The following UVRAG variants were observed in gnomAD, a reference collection of about 807,000 sequenced individuals.
The protein encoded by UVRAG is UV radiation resistance-associated gene protein.
A neutral mutation model predicts 78.0 loss-of-function variants in UVRAG; 19 were observed. That is an observed-to-expected ratio of 0.24 (90% confidence interval 0.17 to 0.36). The LOEUF (loss-of-function observed/expected upper bound fraction) is 0.36, where lower values mean the gene tolerates loss of function less well. UVRAG is among the 10% of genes least tolerant of loss of function. UVRAG has a pLI of 1.00. For synonymous variants in UVRAG, 323 were observed against 324.6 expected (o/e 1.00, Z 0.05); for missense variants, 740 against 853.8 (o/e 0.87, Z 1.66).
At position 75,859,147 on chromosome 11, in the gene UVRAG, T is replaced by G. The variant is rs141123517; in HGVS notation, c.236-2599T>G. Among the ~76,000 whole-genome samples the G allele has an allele frequency of 5.0e-3, 763 of 152,132 alleles. 7 individuals are homozygous for G. The highest frequency in any genetic ancestry group is 0.017 in the African/African-American group (719 of 41,526). Reference sequence around the variant, plus strand: ...CCCAGCACTTTGGGAGGCCGAGGCGTGTGGATCATTTGAGGTCAGGAGTTC... The same window carrying G: ...CCCAGCACTTTGGGAGGCCGAGGCGGGTGGATCATTTGAGGTCAGGAGTTC... On this transcript the variant is annotated intron_variant, in intron 2 of 14. Transcript: ENST00000356136.
intron 14 of UVRAG, among the ~76,000 whole-genome samples, chr11:76,128,406 C>T (rs1173327537): frequency 6.6e-6 from 1 of 152,144 alleles, no homozygotes; most frequent in Admixed American, 6.5e-5. Context: ...TCCCTGCTGC[C>T]AAAAAGGTTG....
chr11:76,097,444 A>G (rs1490965683), intron 13 of UVRAG, among the ~76,000 whole-genome samples: 2 of 152,120 alleles, frequency 1.3e-5, no homozygotes, highest in Admixed American at 6.5e-5. Flanking sequence ...TCCAGCTAGT[A>G]TGCCACAGTC....
At chr11:75,924,352 T>C (rs181404641) in intron 6 of UVRAG, among the ~76,000 whole-genome samples, 1 of 152,158 alleles carries the variant, frequency 6.6e-6, no homozygotes, top group Non-Finnish European at 1.5e-5. Context: ...TGCATGCTAA[T>C]GAAAAATTCA....
intron 2 of UVRAG, 95 bp from the exon 3 acceptor site, chr11:75,861,651 C>T: frequency 2.6e-6 from 2 of 769,002 alleles, no homozygotes; most frequent in South Asian, 1.8e-5. Flanking sequence ...AAATGTTTTA[C>T]TGCAACATAT....
intron 13 of UVRAG, among the ~76,000 whole-genome samples, chr11:76,068,400 C>T (rs1365542173): frequency 6.6e-6 from 1 of 152,178 alleles, no homozygotes; most frequent in East Asian, 1.9e-4. Flanking sequence ...TGTGTATCCT[C>T]TCCAGCTTTA....
intron 12 of UVRAG, among the ~76,000 whole-genome samples, chr11:76,041,653 A>G (rs1312789322): frequency 6.6e-6 from 1 of 152,208 alleles, no homozygotes; most frequent in Non-Finnish European, 1.5e-5. Flanking sequence ...CTATCTTCCA[A>G]ATCTTACCCA....
intron 14 of UVRAG, among the ~76,000 whole-genome samples, chr11:76,123,055 A>G (rs1275814100): frequency 5.3e-5 from 8 of 152,182 alleles, no homozygotes; most frequent in Non-Finnish European, 1.0e-4. Context: ...AGAAACCCAG[A>G]TTATCTGACT....
chr11:75,828,805 A>ATATTTTT (rs1478310271), intron 1 of UVRAG, among the ~76,000 whole-genome samples: 1 of 100,276 alleles, frequency 1.0e-5, no homozygotes, highest in Non-Finnish European at 1.9e-5. Flanking sequence ...ATATATATAT[A>ATATTTTT]TTTTTTTTTT....
chr11:75,939,136 G>A (rs762301897), intron 6 of UVRAG, among the ~76,000 whole-genome samples: 1 of 151,712 alleles, frequency 6.6e-6, no homozygotes, highest in African/African-American at 2.4e-5. Context: ...TGCAGTCTCT[G>A]TCACTCTATT....
intron 7 of UVRAG, among the ~76,000 whole-genome samples, chr11:75,970,005 A>AT (rs1949094262): frequency 6.6e-6 from 1 of 152,240 alleles, no homozygotes; most frequent in Non-Finnish European, 1.5e-5. Context: ...TAGGAAGGAG[A>AT]TAAAAATTTA....
intron 1 of UVRAG, among the ~76,000 whole-genome samples, chr11:75,850,141 G>A (rs1373801981): frequency 6.6e-6 from 1 of 151,962 alleles, no homozygotes; most frequent in Non-Finnish European, 1.5e-5. Context: ...GATTGGTTAT[G>A]GAAAGCACCC....
At chr11:75,992,838 T>C (rs894174836) in intron 8 of UVRAG, among the ~76,000 whole-genome samples, 3 of 152,208 alleles carry the variant, frequency 2.0e-5, no homozygotes, top group Non-Finnish European at 4.4e-5. Flanking sequence ...TAGTCACTGG[T>C]ATTTGCTCAA....
rs1554987474 is a variant in UVRAG at position 76,076,802 on chromosome 11, G to GTATGTATTTATTTATT, written c.1305+11017_1305+11018insGTATTTATTTATTTAT. 4.1e-3 allele frequency among the ~76,000 whole-genome samples: 601 copies of GTATGTATTTATTTATT among 147,630 alleles called. 3 individuals are homozygous for GTATGTATTTATTTATT. Among genetic ancestry groups the GTATGTATTTATTTATT allele is most frequent in the African/African-American group, 0.015 (574 of 38,592 alleles). Reference sequence around the variant, plus strand: ...CCTTTGACCATTTTTAAATTAGGTTGTATTTATTTATTTATTTATTTATTT... The same window carrying GTATGTATTTATTTATT: ...CCTTTGACCATTTTTAAATTAGGTTGTATGTATTTATTTATTTATTTATTTATTTATTTATTTATTT... On this transcript the variant is annotated intron_variant, in intron 13 of 14. Coordinates refer to ENST00000356136, the MANE Select transcript of UVRAG (RefSeq NM_003369.4).
intron 3 of UVRAG, among the ~76,000 whole-genome samples, chr11:75,874,917 T>G (rs1474021262): frequency 1.3e-5 from 2 of 152,180 alleles, no homozygotes; most frequent in Non-Finnish European, 2.9e-5. Context: ...GCTACGTGAT[T>G]CTTTAAAGCC....
chr11:76,056,077 CACGTCA>C (rs1254596518), intron 12 of UVRAG, among the ~76,000 whole-genome samples: 1 of 152,182 alleles, frequency 6.6e-6, no homozygotes, highest in Admixed American at 6.5e-5. Flanking sequence ...TGCAGTCCAG[CACGTCA>C]AGATACAGAT....
At chr11:75,953,087 A>G (rs1393227543) in intron 6 of UVRAG, among the ~76,000 whole-genome samples, 2 of 152,106 alleles carry the variant, frequency 1.3e-5, no homozygotes, top group East Asian at 3.8e-4. Context: ...AAGGATCTGT[A>G]GTGATGTCTT....
rs186839776 is a variant in UVRAG at position 75,862,608 on chromosome 11, C to G, written c.270+828C>G. Among the ~76,000 whole-genome samples, 155 of 152,334 alleles carry G rather than the reference C, an allele frequency of 1.0e-3. 1 individual carries two copies. Among genetic ancestry groups the G allele is most frequent in the African/African-American group, 3.4e-3 (141 of 41,568 alleles). On this transcript the variant is annotated intron_variant, in intron 3 of 14. Coordinates refer to ENST00000356136, the MANE Select transcript of UVRAG (RefSeq NM_003369.4). ...TTCCTTATGTCTAGAACACTTGTTT[C>G]CTCAGCTGTTCGCTTGACTGAAGAG...
chr11:76,008,389 T>A (rs1949990329), intron 10 of UVRAG, among the ~76,000 whole-genome samples: 2 of 152,220 alleles, frequency 1.3e-5, no homozygotes, highest in Admixed American at 6.5e-5. Context: ...TAAAATTGAT[T>A]AGGATTATTT....
At chr11:75,979,925 C>A (rs987922007) in intron 7 of UVRAG, 1 of 153,158 alleles carries the variant, frequency 6.5e-6, no homozygotes, top group African/African-American at 2.4e-5. Flanking sequence ...ATGAACCCGG[C>A]ACCTCAATTG....
Sources: allele counts gnomAD v4.1 joint callset (sites outside exome capture counted in the v4.1 genomes callset), GRCh38; gene constraint gnomAD v4.1.1; transcripts MANE v1.5; gene names NCBI Gene and HGNC (gene_info 2026-07-23, HGNC 2026-07-21).